The following SPIRE1 variants were observed in gnomAD, a reference collection of about 807,000 sequenced individuals.
SPIRE1 encodes protein spire homolog 1.
In SPIRE1, 40 loss-of-function variants were observed where a neutral mutation model predicts 94.1. The observed-to-expected ratio is 0.43, with a 90% CI of 0.33 to 0.55. The LOEUF is 0.55. SPIRE1 is among the 20% of genes least tolerant of loss of function. SPIRE1 has a pLI of 0.06. For missense variants in SPIRE1, 838 were observed against 975.2 expected (o/e 0.86, Z 1.87); for synonymous variants, 376 against 371.7 (o/e 1.01, Z -0.13).
chr18:12,659,891 T>C (rs1241989598), upstream of SPIRE1, among the ~76,000 whole-genome samples: 4 of 152,168 alleles, frequency 2.6e-5, no homozygotes, highest in East Asian at 7.7e-4. Flanking sequence ...TATATCTCTG[T>C]CCTCTTGATT....
intron 14 of SPIRE1, 121 bp from the exon 15 acceptor site, chr18:12,452,633 C>A: frequency 1.0e-6 from 1 of 996,278 alleles, no homozygotes; most frequent in Non-Finnish European, 1.6e-6. Context: ...CTCCCTTCTT[C>A]TATTAGAATG....
chr18:12,627,257 T>C (rs2037657803), intron 2 of SPIRE1, among the ~76,000 whole-genome samples: 1 of 136,806 alleles, frequency 7.3e-6, no homozygotes, highest in Non-Finnish European at 1.6e-5. Context: ...TTCCCCACCC[T>C]GTGTCCAAGT....
intron 12 of SPIRE1, among the ~76,000 whole-genome samples, chr18:12,460,594 C>T (rs987920559): frequency 2.0e-5 from 3 of 152,102 alleles, no homozygotes; most frequent in Non-Finnish European, 4.4e-5. Flanking sequence ...TGCCTATAAT[C>T]CCAACTACTT....
intron 1 of SPIRE1, chr18:12,653,474 A>G (rs1159520995): frequency 6.6e-6 from 1 of 152,222 alleles, no homozygotes; most frequent in African/African-American, 2.4e-5. Flanking sequence ...GATTTTACAC[A>G]GAAGGCTAGA....
intron 2 of SPIRE1, among the ~76,000 whole-genome samples, chr18:12,604,827 A>T (rs1479708941): frequency 6.6e-6 from 1 of 152,196 alleles, no homozygotes; most frequent in Non-Finnish European, 1.5e-5. Flanking sequence ...ATTCTTCACA[A>T]TGGCCAACAG....
chr18:12,472,611 C>T (rs564028956), intron 10 of SPIRE1, among the ~76,000 whole-genome samples: 8 of 151,600 alleles, frequency 5.3e-5, no homozygotes, highest in East Asian at 3.9e-4. Flanking sequence ...TCAAGTGATC[C>T]GCCTGCCTCA....
chr18:12,658,638 G>A (rs1250415542), upstream of SPIRE1: 2 of 469,200 alleles, frequency 4.3e-6, no homozygotes, highest in Non-Finnish European at 8.9e-6. Context: ...CTAAGAAAAT[G>A]CAGGCCCGCT....
chr18:12,581,095 A>G (rs2036246327), intron 2 of SPIRE1, among the ~76,000 whole-genome samples: 1 of 152,212 alleles, frequency 6.6e-6, no homozygotes, highest in African/African-American at 2.4e-5. Flanking sequence ...AAAGTAAGCA[A>G]ACACTTTACT....
At chr18:12,614,895 C>T (rs1347580264) in intron 2 of SPIRE1, among the ~76,000 whole-genome samples, 1 of 151,120 alleles carries the variant, frequency 6.6e-6, no homozygotes, top group Non-Finnish European at 1.5e-5. Flanking sequence ...CACATAAAAT[C>T]CAAAATTTTA....
chr18:12,453,534 C>G (rs913409267), intron 13 of SPIRE1, among the ~76,000 whole-genome samples: 2 of 150,154 alleles, frequency 1.3e-5, no homozygotes, highest in Admixed American at 6.6e-5. Flanking sequence ...CCTGGGTTCA[C>G]GCCATTCTCC....
chr18:12,450,254 GA>G (rs1343755128), intron 16 of SPIRE1, among the ~76,000 whole-genome samples: 1 of 151,870 alleles, frequency 6.6e-6, no homozygotes, highest in African/African-American at 2.4e-5. Context: ...CACTTCTCTG[GA>G]GGCTGAGGCG....
rs1290714372 is a variant in SPIRE1 at position 12,454,466 on chromosome 18, T to C, written c.1656A>G (p.Pro552=). The part of the protein sequence containing the change: ...SSRSLEEFCY[P]VECLALTVEE... ...CCACAGTAAGAGCGAGGCATTCCACTGGGTAGCAGAATTCCTCCTGAAATT... is the reference window on the plus strand; with the variant it reads ...CCACAGTAAGAGCGAGGCATTCCACCGGGTAGCAGAATTCCTCCTGAAATT... The change falls in exon 13 of 17, where the codon CCA becomes CCG. Residue 552 remains proline, a synonymous_variant. Transcript: ENST00000409402. 5 of 1,614,186 alleles carry C rather than the reference T, an allele frequency of 3.1e-6. No homozygotes were observed. The South Asian group carries it at 5.5e-5, about 18-fold the overall frequency.
chr18:12,542,547 C>T (rs970989859), intron 3 of SPIRE1, among the ~76,000 whole-genome samples: 1 of 152,038 alleles, frequency 6.6e-6, no homozygotes, highest in African/African-American at 2.4e-5. Flanking sequence ...TTTTGGATTA[C>T]CAGTAATTTT....
chr18:12,631,355 TA>T (rs1473383028), intron 2 of SPIRE1, among the ~76,000 whole-genome samples: 2 of 151,722 alleles, frequency 1.3e-5, no homozygotes, highest in African/African-American at 4.8e-5. Context: ...AAAACTACAT[TA>T]AAAAAATGAG....
chr18:12,506,047 C>T (rs576693768), intron 6 of SPIRE1, among the ~76,000 whole-genome samples: 81 of 152,186 alleles, frequency 5.3e-4, no homozygotes, highest in African/African-American at 1.8e-3. Flanking sequence ...AAATTTTCTA[C>T]AATGATCAAG....
intron 7 of SPIRE1, among the ~76,000 whole-genome samples, chr18:12,493,618 G>C (rs906609780): frequency 6.6e-6 from 1 of 152,160 alleles, no homozygotes. Context: ...AGTTGGTCAG[G>C]CTGGTCTCGA....
intron 2 of SPIRE1, among the ~76,000 whole-genome samples, chr18:12,562,521 C>T (rs528524840): frequency 3.4e-4 from 51 of 148,060 alleles, no homozygotes; most frequent in African/African-American, 1.2e-3. Context: ...TTTTATGTTC[C>T]AGGATACATG....
At chr18:12,580,708 A>G (rs2036232402) in intron 2 of SPIRE1, among the ~76,000 whole-genome samples, 1 of 152,182 alleles carries the variant, frequency 6.6e-6, no homozygotes, top group Admixed American at 6.5e-5. Flanking sequence ...AAAATGAACT[A>G]CACTACAGCA....
At chr18:12,600,148 G>C (rs1265786776) in intron 2 of SPIRE1, among the ~76,000 whole-genome samples, 1 of 150,374 alleles carries the variant, frequency 6.7e-6, no homozygotes, top group Non-Finnish European at 1.5e-5. Flanking sequence ...CCATCACAAG[G>C]AGCTGAATGT....
Sources: gnomAD v4.1 joint callset for allele counts (sites outside exome capture counted in the v4.1 genomes callset) on GRCh38, gnomAD v4.1.1 for gene constraint, MANE v1.5 for transcripts, NCBI Gene and HGNC (gene_info 2026-07-23, HGNC 2026-07-21) for gene names.